Variants in SHD observed in about 807,000 individuals in gnomAD.
The protein encoded by SHD is Src homology 2 domain containing transforming protein D, also known as SH2 domain-containing adapter protein D.
A neutral mutation model predicts 31.2 loss-of-function variants in SHD; 29 were observed. The ratio of observed to expected loss-of-function variants is 0.93; its 90% CI spans 0.69 to 1.27. The LOEUF (loss-of-function observed/expected upper bound fraction) is 1.27, where lower values mean the gene tolerates loss of function less well. Among genes scored for constraint, SHD ranks in the 50% most tolerant of loss-of-function variants. The probability of loss-of-function intolerance (pLI) is 0.00; values close to 1 mark genes in which losing one functional copy is unlikely to be tolerated. For synonymous variants in SHD, 208 were observed against 187.8 expected, an observed-to-expected ratio of 1.11 and a Z score of -0.88; for missense variants, 520 against 453.8, an observed-to-expected ratio of 1.15 and a Z score of -1.33.
chr19:4,286,211 TTTC>T (rs1971309043), intron 4 of SHD, among the ~76,000 whole-genome samples: 1 of 98,114 alleles, frequency 1.0e-5, no homozygotes, highest in Non-Finnish European at 1.9e-5. Context: ...TTTTTCTTTC[TTTC>T]TTTCTTTCTT....
chr19:4,286,933 T>C (rs1052270186), intron 4 of SHD, among the ~76,000 whole-genome samples: 2 of 146,618 alleles, frequency 1.4e-5, no homozygotes, highest in African/African-American at 2.5e-5. Flanking sequence ...CTCATGGATG[T>C]AATCCCAGCA....
chr19:4,288,237 C>G lies in SHD; in HGVS notation c.717-6C>G. Reference sequence around the variant, plus strand: ...CCTTGATGAGACATCTGTCCATACTCGCTAGGTGGTTTCATGGCCCCCTGA... The same window carrying G: ...CCTTGATGAGACATCTGTCCATACTGGCTAGGTGGTTTCATGGCCCCCTGA... On this transcript the variant is annotated splice_region_variant and splice_polypyrimidine_tract_variant and intron_variant, in intron 4 of 5. Transcript: ENST00000543264. The G allele has an allele frequency of 6.2e-7, 1 of 1,612,928 alleles. No individual in the cohort carries two copies. Among genetic ancestry groups the G allele is most frequent in the Non-Finnish European group, 8.5e-7 (1 of 1,179,404 alleles).
In SHD at chr19:4,280,308, A is replaced by G; in HGVS notation, c.245A>G (p.Glu82Gly). The G allele has an allele frequency of 6.2e-7, 1 of 1,606,308 alleles. No individual in the cohort carries two copies. The highest frequency in any genetic ancestry group is 1.1e-5 in the South Asian group (1 of 89,942). Reference protein sequence around the residue: ...GSPKHRLIKVEAADMARAKAL... With the variant: ...GSPKHRLIKVGAADMARAKAL... The stretch of plus-strand genomic sequence containing the variant: ...CCCAAGCACCGGCTCATCAAGGTGG[A>G]GGCTGCGGATATGGCCAGAGCCAAG... Residue 82 changes from glutamate (E) to glycine (G), a missense_variant, in exon 1 of 6, where the codon GAG becomes GGG. Transcript: ENST00000543264.
intron 4 of SHD, among the ~76,000 whole-genome samples, chr19:4,285,285 T>G (rs1971297247): frequency 6.6e-6 from 1 of 152,190 alleles, no homozygotes; most frequent in South Asian, 2.1e-4. Context: ...ACAGAAATCA[T>G]TCTCAGCCAG....
At position 4,283,143 on chromosome 19, in the gene SHD, C is replaced by G. The variant is rs1971274185; in HGVS notation, c.493C>G (p.Pro165Ala). The change falls in exon 3 of 6, where the codon CCT (proline) becomes GCT (alanine). Residue 165 changes from proline to alanine, a missense_variant. By Grantham distance (27) the Pro-to-Ala change is conservative (BLOSUM62 -1). Transcript: ENST00000543264. The part of the protein sequence containing the change: ...TADGPPSGQK[P>A]RQSRMPQEDE... Reference sequence around the variant, plus strand: ...AGATGGACCCCCTTCTGGGCAGAAGCCTCGGCAGAGCCGGATGCCCCAGGA... The same window carrying G: ...AGATGGACCCCCTTCTGGGCAGAAGGCTCGGCAGAGCCGGATGCCCCAGGA... 6.2e-7 allele frequency: 1 copy of G among 1,614,120 alleles called. No homozygotes were observed. The highest frequency in any genetic ancestry group is 8.5e-7 in the Non-Finnish European group (1 of 1,180,016).
intron 4 of SHD, among the ~76,000 whole-genome samples, chr19:4,285,758 C>T (rs569470618): frequency 5.5e-4 from 84 of 152,064 alleles, no homozygotes; most frequent in Admixed American, 8.5e-4. Context: ...GTATGTTGGC[C>T]AGGCTGGTCT....
At position 4,282,521 on chromosome 19, in the gene SHD, C is replaced by G. The variant is rs1342687985; in HGVS notation, c.298-349C>G. Among the ~76,000 whole-genome samples, 2 of 152,050 alleles carry G rather than the reference C, an allele frequency of 1.3e-5. 1 individual carries two copies. Among genetic ancestry groups the G allele is most frequent in the Non-Finnish European group, 2.9e-5 (2 of 68,010 alleles). ...CGGGCAGATCACGAGGTCAGGAGAT[C>G]GAGACCATCCCGGCTAACACGGTGA... On this transcript the variant is annotated intron_variant, in intron 1 of 5. Transcript: ENST00000543264.
At chr19:4,286,245 TTC>T (rs1391944429) in intron 4 of SHD, among the ~76,000 whole-genome samples, 3 of 117,226 alleles carry the variant, frequency 2.6e-5, no homozygotes, top group African/African-American at 6.4e-5. Flanking sequence ...CTTTCTTTCT[TTC>T]TTTCTTTCTT....
At chr19:4,286,275 CTTTCTTTTT>C (rs1568369449) in intron 4 of SHD, among the ~76,000 whole-genome samples, 60 of 121,130 alleles carry the variant, frequency 5.0e-4, no homozygotes, top group African/African-American at 9.8e-4. Context: ...TTCTTTCTTT[CTTTCTTTTT>C]TTCTTTCCTT....
At position 4,290,678 on chromosome 19, in the gene SHD, A is replaced by T; in HGVS notation, c.*45A>T. On this transcript the variant is annotated 3_prime_UTR_variant, in exon 6 of 6. Coordinates refer to ENST00000543264, the MANE Select transcript of SHD (RefSeq NM_020209.4). Reference sequence around the variant, plus strand: ...TTTGAGTCCTCGGGCCCAGAATCGTATCCCAAAGCCCTCCCATGGCCTAGA... The same window carrying T: ...TTTGAGTCCTCGGGCCCAGAATCGTTTCCCAAAGCCCTCCCATGGCCTAGA... The T allele has an allele frequency of 1.3e-6, 2 of 1,528,322 alleles. No homozygotes were observed. The highest frequency in any genetic ancestry group is 1.8e-6 in the Non-Finnish European group (2 of 1,133,518). The allele number at this position is 1,528,322 out of a possible 1,614,324, so 94.7% of individuals were successfully genotyped here.
At chr19:4,283,029 C>T (rs201754075) in intron 2 of SHD, 25 bp from the exon 3 acceptor site, 3 of 1,613,796 alleles carry the variant, frequency 1.9e-6, no homozygotes, top group African/African-American at 2.7e-5. Flanking sequence ...GGAGCAGGAG[C>T]TGAACAGTGT....
In SHD at chr19:4,282,901, T is replaced by C. The variant is rs779135567; in HGVS notation, c.329T>C (p.Phe110Ser). ...LEADTEYLDPFDAQPHPAPPD... is the reference protein window; with the variant it reads ...LEADTEYLDPSDAQPHPAPPD... ...GCCGACACTGAGTATTTAGACCCCT[T>C]TGATGCTCAGCCTCATCCTGCACCC... The change falls in exon 2 of 6, where the codon TTT becomes TCT. Residue 110 changes from phenylalanine (F) to serine (S), a missense_variant. Physicochemically the swap from Phe to Ser is radical, Grantham distance 155. Transcript: ENST00000543264. 1.8e-5 allele frequency: 29 copies of C among 1,613,790 alleles called. No homozygotes were observed. Among genetic ancestry groups the C allele is most frequent in the Non-Finnish European group, 2.1e-5 (25 of 1,179,980 alleles).
chr19:4,283,720 A>G (rs182645545), intron 3 of SHD, among the ~76,000 whole-genome samples: 23 of 151,756 alleles, frequency 1.5e-4, no homozygotes, highest in Admixed American at 1.4e-3. Context: ...CTGGGACTAC[A>G]GGCGCCCGCC....
At chr19:4,288,134 A>G (rs1183591122) in intron 4 of SHD, 109 bp from the exon 5 acceptor site, 4 of 1,315,600 alleles carry the variant, frequency 3.0e-6, no homozygotes, top group Admixed American at 4.6e-5. Context: ...CGAACTCCTG[A>G]CCTCAGGCAA....
Position 4,280,022 on chromosome 19 carries a change from G to T in SHD, c.-42G>T. ...AGGGGCCCGGAGAAGGGCATGTGGGGGCCCCTCTGACAGTGGCCCGATTGG... is the reference window on the plus strand; with the variant it reads ...AGGGGCCCGGAGAAGGGCATGTGGGTGCCCCTCTGACAGTGGCCCGATTGG... On this transcript the variant is annotated 5_prime_UTR_variant, in exon 1 of 6. Transcript: ENST00000543264. The T allele has an allele frequency of 6.5e-7, 1 of 1,532,094 alleles. No individual in the cohort carries two copies. Among genetic ancestry groups the T allele is most frequent in the Non-Finnish European group, 8.8e-7 (1 of 1,142,028 alleles). The allele number at this position is 1,532,094 out of a possible 1,614,324, so 94.9% of individuals were successfully genotyped here.
rs199615813 is a variant in SHD at position 4,288,154 on chromosome 19, G to A, written c.717-89G>A. 4.2e-5 allele frequency: 61 copies of A among 1,446,998 alleles called. No individual in the cohort carries two copies. In the Admixed American group the frequency reaches 7.1e-4, roughly 17 times the overall value. The allele number at this position is 1,446,998 out of a possible 1,614,324, so 89.6% of individuals were successfully genotyped here. A position where few individuals can be genotyped will look rare whatever the true frequency, so the allele number is the denominator to read the frequency against. The stretch of plus-strand genomic sequence containing the variant: ...TCCTGACCTCAGGCAATCCGCCCGC[G>A]TCAGCCTCCCAAAGTGCTGGGATTA... On this transcript the variant is annotated intron_variant, in intron 4 of 5. Transcript: ENST00000543264.
chr19:4,280,413 G>T (rs373456134), intron 1 of SHD, 53 bp downstream of exon 1: 4 of 1,500,162 alleles, frequency 2.7e-6, no homozygotes, highest in Non-Finnish European at 3.6e-6. Flanking sequence ...CTCAGGATGG[G>T]CTCTCTGGAT....
chr19:4,288,389 A>G, intron 5 of SHD, 27 bp downstream of exon 5: 1 of 1,597,340 alleles, frequency 6.3e-7, no homozygotes, highest in Non-Finnish European at 8.5e-7. Flanking sequence ...ACAGGGACGA[A>G]GGGTCACAGG....
intron 3 of SHD, among the ~76,000 whole-genome samples, chr19:4,284,025 C>T (rs975893696): frequency 1.3e-5 from 2 of 151,418 alleles, no homozygotes; most frequent in African/African-American, 4.9e-5. Context: ...AAATAATTGC[C>T]GGGCACGGTG....
Sources: gnomAD v4.1 joint callset for allele counts (sites outside exome capture counted in the v4.1 genomes callset) on GRCh38, gnomAD v4.1.1 for gene constraint, MANE v1.5 for transcripts, NCBI Gene and HGNC (gene_info 2026-07-23, HGNC 2026-07-21) for gene names.